MTR: variants seen among roughly 807,000 people sequenced by gnomAD.
MTR encodes the protein 5-methyltetrahydrofolate-homocysteine methyltransferase, also known as methionine synthase.
In MTR, 84 loss-of-function variants were observed where a neutral mutation model predicts 154.8. The ratio of observed to expected loss-of-function variants is 0.54; its 90% CI spans 0.45 to 0.65. The LOEUF (loss-of-function observed/expected upper bound fraction) is 0.65, where lower values mean the gene tolerates loss of function less well. Ranked by LOEUF, MTR falls within the 30% of genes least tolerant of loss-of-function variation. The probability of loss-of-function intolerance (pLI) is 0.00; values close to 1 mark genes in which losing one functional copy is unlikely to be tolerated. For missense variants in MTR, 1,275 were observed against 1,570.2 expected, an observed-to-expected ratio of 0.81 and a Z score of 3.18; for synonymous variants, 554 against 553.9, an observed-to-expected ratio of 1.00 and a Z score of 0.00.
intron 23 of MTR, 64 bp from the exon 24 acceptor site, chr1:236,874,662 C>A: frequency 7.4e-7 from 1 of 1,359,256 alleles, no homozygotes; most frequent in Admixed American, 2.4e-5. Context: ...TCATCCTTTT[C>A]CTTTTTCTTT....
intron 15 of MTR, among the ~76,000 whole-genome samples, chr1:236,839,475 G>C (rs1429511974): frequency 6.6e-6 from 1 of 152,090 alleles, no homozygotes; most frequent in Non-Finnish European, 1.5e-5. Flanking sequence ...AATGAGATTA[G>C]TTTCCTTTAT....
intron 27 of MTR, among the ~76,000 whole-genome samples, chr1:236,888,954 G>A (rs1448491477): frequency 6.6e-6 from 1 of 152,190 alleles, no homozygotes; most frequent in African/African-American, 2.4e-5. Context: ...CAGTTTCCAA[G>A]GGTGGTGTAG....
At chr1:236,856,011 G>A (rs2103269180) in intron 18 of MTR, among the ~76,000 whole-genome samples, 1 of 152,268 alleles carries the variant, frequency 6.6e-6, no homozygotes, top group Admixed American at 6.5e-5. Context: ...CATCAGGTTT[G>A]GAACATAGCT....
At position 236,820,005 on chromosome 1, in the gene MTR, G is replaced by A. The variant is rs1661830585; in HGVS notation, c.764+3462G>A. 2.7e-6 allele frequency: 3 copies of A among 1,098,978 alleles called. No individual in the cohort carries two copies. In the South Asian group the frequency reaches 3.7e-5, roughly 14 times the overall value. The allele number at this position is 1,098,978 out of a possible 1,614,324, so 68.1% of individuals were successfully genotyped here. ...CTTCCGGGAGCCATGGCTTCTTGTG[G>A]TTACTGACTCGAGGGCTGACCAGCA... On this transcript the variant is annotated intron_variant, in intron 8 of 32. Coordinates refer to ENST00000366577, the MANE Select transcript of MTR (RefSeq NM_000254.3).
intron 25 of MTR, among the ~76,000 whole-genome samples, chr1:236,883,457 G>C (rs1028181894): frequency 6.6e-6 from 1 of 152,314 alleles, no homozygotes; most frequent in East Asian, 1.9e-4. Context: ...GCATCAGGGG[G>C]TCGTAGATTC....
At chr1:236,854,761 G>T (rs1664107264) in intron 18 of MTR, among the ~76,000 whole-genome samples, 1 of 152,150 alleles carries the variant, frequency 6.6e-6, no homozygotes, top group South Asian at 2.1e-4. Context: ...TTTTGGCATT[G>T]TATTTTGTGC....
rs775141970 is a variant in MTR at position 236,891,258 on chromosome 1, C to T, written c.3133C>T (p.His1045Tyr). The T allele has an allele frequency of 1.9e-6, 3 of 1,614,174 alleles. No homozygotes were observed. The highest frequency in any genetic ancestry group is 2.5e-6 in the Non-Finnish European group (3 of 1,180,038). Reference sequence around the variant, plus strand: ...AGCACAGAGTATCCAAGACGACATTCACCTGTACGCAGAGGCTGCTGTGCC... The same window carrying T: ...AGCACAGAGTATCCAAGACGACATTTACCTGTACGCAGAGGCTGCTGTGCC... Reference protein sequence around the residue: ...WPAQSIQDDIHLYAEAAVPQA... With the variant: ...WPAQSIQDDIYLYAEAAVPQA... Residue 1045 changes from histidine (H) to tyrosine (Y), a missense_variant, in exon 29 of 33, where the codon CAC becomes TAC. Coordinates refer to ENST00000366577, the MANE Select transcript of MTR (RefSeq NM_000254.3).
At chr1:236,808,829 A>G (rs983816319) in intron 4 of MTR, 56 bp downstream of exon 4, 1 of 1,510,878 alleles carries the variant, frequency 6.6e-7, no homozygotes, top group Non-Finnish European at 9.2e-7. Context: ...ACTGTCAGCT[A>G]TAATGTGCTG....
intron 22 of MTR, among the ~76,000 whole-genome samples, chr1:236,864,565 A>G (rs1664726987): frequency 6.6e-6 from 1 of 152,238 alleles, no homozygotes; most frequent in Admixed American, 6.5e-5. Context: ...CTAGTCCTAG[A>G]AACGAGGAAT....
chr1:236,853,193 C>A, intron 18 of MTR, 105 bp downstream of exon 18: 1 of 1,313,024 alleles, frequency 7.6e-7, no homozygotes, highest in Non-Finnish European at 1.1e-6. Context: ...AATATCGAAT[C>A]ATATATTTGG....
intron 6 of MTR, 128 bp downstream of exon 6, chr1:236,812,972 T>C (rs1661388830): frequency 2.5e-6 from 2 of 785,452 alleles, no homozygotes; most frequent in Admixed American, 4.1e-5. Context: ...TCCATTTTAT[T>C]CTTGAGTATT....
chr1:236,868,707 A>G (rs973351681), intron 22 of MTR, among the ~76,000 whole-genome samples: 1 of 152,252 alleles, frequency 6.6e-6, no homozygotes, highest in African/African-American at 2.4e-5. Flanking sequence ...ATGTTTTTAA[A>G]CATGGGTCTG....
intron 6 of MTR, among the ~76,000 whole-genome samples, chr1:236,813,254 G>A (rs1221324573): frequency 6.6e-6 from 1 of 152,032 alleles, no homozygotes; most frequent in African/African-American, 2.4e-5. Context: ...TGACAGATGC[G>A]ATACAGATAT....
intron 22 of MTR, among the ~76,000 whole-genome samples, chr1:236,867,569 G>A (rs752923463): frequency 5.9e-5 from 9 of 152,170 alleles, no homozygotes; most frequent in Admixed American, 2.0e-4. Flanking sequence ...TTGTAAGGCT[G>A]TAGCTGCCAT....
At chr1:236,891,583 C>T (rs368282815) in intron 29 of MTR, among the ~76,000 whole-genome samples, 7 of 151,992 alleles carry the variant, frequency 4.6e-5, no homozygotes, top group South Asian at 2.1e-4. Context: ...CATGGATGGG[C>T]GAGGACCATT....
At chr1:236,802,243 A>G (rs1343568840) in intron 1 of MTR, among the ~76,000 whole-genome samples, 1 of 152,126 alleles carries the variant, frequency 6.6e-6, no homozygotes. Flanking sequence ...TGAGACAGAG[A>G]ATATATGCAA....
At chr1:236,871,743 A>G (rs1031349478) in intron 22 of MTR, among the ~76,000 whole-genome samples, 10 of 152,156 alleles carry the variant, frequency 6.6e-5, no homozygotes, top group African/African-American at 2.2e-4. Context: ...TCCAGCGTGC[A>G]TTTGCTACTG....
At chr1:236,831,789 C>T (rs1662625843) in intron 12 of MTR, among the ~76,000 whole-genome samples, 177 bp from the exon 13 acceptor site, 1 of 152,216 alleles carries the variant, frequency 6.6e-6, no homozygotes, top group Admixed American at 6.5e-5. Flanking sequence ...ATAGCCTTTA[C>T]TGCATTTGAA....
intron 12 of MTR, among the ~76,000 whole-genome samples, chr1:236,831,623 G>A (rs1662618375): frequency 6.6e-6 from 1 of 152,176 alleles, no homozygotes; most frequent in South Asian, 2.1e-4. Context: ...CTTTGTCCAT[G>A]GTTTTTGCCT....
Sources: gnomAD v4.1 joint callset for allele counts (sites outside exome capture counted in the v4.1 genomes callset) on GRCh38, gnomAD v4.1.1 for gene constraint, MANE v1.5 for transcripts, NCBI Gene and HGNC (gene_info 2026-07-23, HGNC 2026-07-21) for gene names.